The following UGGT2 variants were observed in gnomAD, a reference collection of about 807,000 sequenced individuals.
UGGT2 encodes UDP-glucose:glycoprotein glucosyltransferase 2.
UGGT2 carries 180 observed loss-of-function variants against 192.1 expected under a neutral mutation model. The ratio of observed to expected loss-of-function variants is 0.94; its 90% CI spans 0.83 to 1.06. The LOEUF (loss-of-function observed/expected upper bound fraction) is 1.06, where lower values mean the gene tolerates loss of function less well. Ranked by LOEUF, UGGT2 falls within the 50% of genes least tolerant of loss-of-function variation. UGGT2 has a pLI of 0.00. For missense variants in UGGT2, 1,849 were observed against 1,795.7 expected, an observed-to-expected ratio of 1.03 and a Z score of -0.54; for synonymous variants, 580 against 591.0, an observed-to-expected ratio of 0.98 and a Z score of 0.27.
At chr13:95,999,342 AGAGT>A (rs764310704) in intron 5 of UGGT2, 35 bp from the exon 6 acceptor site, 4 of 1,582,962 alleles carry the variant, frequency 2.5e-6, no homozygotes, top group Admixed American at 1.7e-5. Flanking sequence ...AAAAGCGAAA[AGAGT>A]TAGTCAAACA....
chr13:95,967,212 GC>G lies in UGGT2; in HGVS notation c.1335+2899del, dbSNP rs559882076. On this transcript the variant is annotated intron_variant, in intron 12 of 38. Coordinates refer to ENST00000376747, the MANE Select transcript of UGGT2 (RefSeq NM_020121.4). ...TCTGTTGCCAGGCTTGAGTGCAGTG[GC>G]ACCATTTCAGCTTACTGCAACCTCT... Among the ~76,000 whole-genome samples the G allele has an allele frequency of 2.1e-3, 316 of 151,502 alleles. 1 individual carries two copies. The highest frequency in any genetic ancestry group is 3.3e-3 in the Non-Finnish European group (227 of 67,918).
chr13:96,035,040 T>C (rs991011060), intron 1 of UGGT2, among the ~76,000 whole-genome samples: 2 of 152,218 alleles, frequency 1.3e-5, no homozygotes, highest in African/African-American at 2.4e-5. Context: ...ATCCTTATCC[T>C]GTGACAAAAC....
intron 36 of UGGT2, among the ~76,000 whole-genome samples, chr13:95,840,170 GAAACAAAAGCCA>G (rs534604723): frequency 6.2e-4 from 94 of 152,178 alleles, no homozygotes; most frequent in African/African-American, 2.1e-3. Flanking sequence ...AAAAGCAACA[GAAACAAAAGCCA>G]AAATTGACAA....
intron 36 of UGGT2, among the ~76,000 whole-genome samples, chr13:95,845,349 G>A (rs1888292317): frequency 9.5e-6 from 1 of 105,172 alleles, no homozygotes. Flanking sequence ...TGTGTCCCTG[G>A]GTACTTGAGA....
chr13:95,965,227 C>T (rs1469368666), intron 12 of UGGT2, among the ~76,000 whole-genome samples: 1 of 150,658 alleles, frequency 6.6e-6, no homozygotes, highest in African/African-American at 2.5e-5. Flanking sequence ...TTGACCCAGC[C>T]ATCCCATTAC....
chr13:95,990,136 C>T (rs1354673371), intron 7 of UGGT2, 63 bp from the exon 8 acceptor site: 6 of 1,025,896 alleles, frequency 5.8e-6, no homozygotes, highest in Non-Finnish European at 6.9e-6. Context: ...ATACAAACAG[C>T]ATATTTTTGA....
chr13:95,881,274 C>T (rs989267030), intron 27 of UGGT2, among the ~76,000 whole-genome samples: 1 of 152,216 alleles, frequency 6.6e-6, no homozygotes, highest in Non-Finnish European at 1.5e-5. Context: ...TATCTTAGAA[C>T]AAATCCCTTG....
intron 26 of UGGT2, among the ~76,000 whole-genome samples, chr13:95,886,888 A>G (rs1418417920): frequency 2.6e-5 from 4 of 151,940 alleles, no homozygotes; most frequent in Non-Finnish European, 5.9e-5. Context: ...ACAAAAATAC[A>G]AAACAAAACA....
intron 9 of UGGT2, chr13:95,985,239 C>T: frequency 1.7e-6 from 2 of 1,210,130 alleles, no homozygotes; most frequent in Non-Finnish European, 2.2e-6. Context: ...TTATACACAC[C>T]CATATATATT....
intron 10 of UGGT2, among the ~76,000 whole-genome samples, chr13:95,980,898 T>C (rs1189265756): frequency 1.3e-5 from 2 of 152,090 alleles, no homozygotes; most frequent in East Asian, 3.9e-4. Context: ...CCAAGGAGGC[T>C]GAGGCAGGAG....
intron 20 of UGGT2, among the ~76,000 whole-genome samples, chr13:95,909,403 C>G (rs1054753346): frequency 6.6e-5 from 10 of 151,456 alleles, no homozygotes; most frequent in African/African-American, 2.4e-4. Context: ...ACGTATACAC[C>G]ATGGAATACT....
intron 15 of UGGT2, among the ~76,000 whole-genome samples, chr13:95,946,735 A>G (rs758606451): frequency 2.6e-5 from 4 of 152,186 alleles, no homozygotes; most frequent in Non-Finnish European, 5.9e-5. Flanking sequence ...TTTTCTATTA[A>G]TATGTTTTCC....
chr13:95,867,241 G>T, intron 30 of UGGT2, 98 bp downstream of exon 30: 1 of 1,078,538 alleles, frequency 9.3e-7, no homozygotes. Flanking sequence ...TTGTAAAATT[G>T]TAAAGTTAAT....
intron 29 of UGGT2, 127 bp from the exon 30 acceptor site, chr13:95,867,550 C>G (rs1594188063): frequency 1.6e-6 from 1 of 639,260 alleles, no homozygotes; most frequent in African/African-American, 1.9e-5. Flanking sequence ...TCATGTTTTT[C>G]TGTTTCTATA....
intron 26 of UGGT2, among the ~76,000 whole-genome samples, chr13:95,886,220 T>C (rs1355827499): frequency 1.3e-5 from 2 of 151,520 alleles, no homozygotes; most frequent in African/African-American, 4.8e-5. Flanking sequence ...GCTGAGGGGA[T>C]TCCTGCCCTT....
At chr13:96,007,234 A>G (rs1114308) in intron 5 of UGGT2, among the ~76,000 whole-genome samples, 60,757 of 151,964 alleles carry the variant, frequency 0.4, 12,375 homozygotes, top group Middle Eastern at 0.45. Flanking sequence ...GGCATTTGAC[A>G]AAATTCAACA....
At position 95,857,999 on chromosome 13, in the gene UGGT2, G is replaced by GTT. The variant is rs71113957; in HGVS notation, c.3825+1590_3825+1591dup. On this transcript the variant is annotated intron_variant, in intron 33 of 38. Transcript: ENST00000376747. ...ATCTATATTTATAGGTTCTTTTTCT[G>GTT]TTTTTTTTTTTTTTTCCTACTGTCA... is the stretch of plus-strand genomic sequence containing the variant. Among the ~76,000 whole-genome samples the GTT allele has an allele frequency of 2.5e-3, 346 of 139,720 alleles. 2 individuals carry two copies. The highest frequency in any genetic ancestry group is 0.012 in the South Asian group (54 of 4,422). 91.7% of individuals were successfully genotyped at this position (139,720 alleles called of 152,430 possible).
At chr13:95,996,250 C>T (rs1594535651) in intron 6 of UGGT2, 115 bp from the exon 7 acceptor site, 2 of 876,090 alleles carry the variant, frequency 2.3e-6, no homozygotes, top group South Asian at 1.5e-5. Flanking sequence ...GCCTGTAATC[C>T]CAGCACTTTG....
intron 10 of UGGT2, among the ~76,000 whole-genome samples, chr13:95,982,059 G>A (rs1398525835): frequency 1.3e-5 from 2 of 152,136 alleles, no homozygotes; most frequent in Admixed American, 6.5e-5. Flanking sequence ...TGCAGTCAAA[G>A]CTCATTTCAA....
Sources: allele counts gnomAD v4.1 joint callset (sites outside exome capture counted in the v4.1 genomes callset), GRCh38; gene constraint gnomAD v4.1.1; transcripts MANE v1.5; gene names NCBI Gene and HGNC (gene_info 2026-07-23, HGNC 2026-07-21).